The following WWP2 variants were observed in gnomAD, a reference collection of about 807,000 sequenced individuals.
The protein encoded by WWP2 is NEDD4-like E3 ubiquitin-protein ligase WWP2.
In WWP2, 57 loss-of-function variants were observed where a neutral mutation model predicts 121.0. That is an observed-to-expected ratio of 0.47 (90% confidence interval 0.38 to 0.59). The LOEUF is 0.59. Ranked by LOEUF, WWP2 falls within the 20% of genes least tolerant of loss-of-function variation. WWP2 has a pLI of 0.00. For synonymous variants in WWP2, 449 were observed against 441.3 expected, an observed-to-expected ratio of 1.02 and a Z score of -0.22; for missense variants, 962 against 1,158.9, an observed-to-expected ratio of 0.83 and a Z score of 2.47.
Position 69,909,549 on chromosome 16 carries a change from T to G in WWP2, c.1004+699T>G. The G allele has an allele frequency of 3.0e-6, 3 of 985,468 alleles. No individual in the cohort carries two copies. In the South Asian group the frequency reaches 1.4e-4, roughly 46 times the overall value. The allele number at this position is 985,468 out of a possible 1,614,324, so 61.0% of individuals were successfully genotyped here. A position where few individuals can be genotyped will look rare whatever the true frequency, so the allele number is the denominator to read the frequency against. ...TAATTCTCCATGGATGGGCTGCTTTTAGCTCCAGTTTTCCAGTAGAATGCT... is the reference window on the plus strand; with the variant it reads ...TAATTCTCCATGGATGGGCTGCTTTGAGCTCCAGTTTTCCAGTAGAATGCT... On this transcript the variant is annotated intron_variant, in intron 9 of 23. Transcript: ENST00000359154.
chr16:69,899,406 A>G (rs534863962), intron 8 of WWP2, among the ~76,000 whole-genome samples: 122 of 152,196 alleles, frequency 8.0e-4, no homozygotes, highest in Non-Finnish European at 1.4e-3. Flanking sequence ...TCTGATATGC[A>G]TGTTATTTCA....
intron 1 of WWP2, among the ~76,000 whole-genome samples, chr16:69,784,951 A>T (rs928970658): frequency 2.5e-4 from 38 of 151,432 alleles, no homozygotes; most frequent in African/African-American, 9.0e-4. Context: ...GAAAAGAAAG[A>T]GTGGTCGAGT....
In WWP2 at chr16:69,937,194, G is replaced by T. The variant is rs2058812590; in HGVS notation, c.2194G>T (p.Ala732Ser). The change falls in exon 20 of 24, where the codon GCC (alanine) becomes TCC (serine). Residue 732 changes from alanine to serine, a missense_variant. Ala to Ser is a moderately conservative substitution (Grantham distance 99). This residue lies in a region of WWP2 where 606 missense variants were observed against 772.6 expected (regional missense o/e 0.78). Coordinates refer to ENST00000359154, the MANE Select transcript of WWP2 (RefSeq NM_001270454.2). This position sits in a 1 kb window ranked among gnomAD's most constrained non-coding sequence, Gnocchi z 6.6. ...KAFLDGFNEV[A>S]PLEWLRYFDE... Reference sequence around the variant, plus strand: ...CTTCCTGGATGGCTTCAACGAGGTGGCCCCGCTGGAGTGGCTGCGCTACTT... The same window carrying T: ...CTTCCTGGATGGCTTCAACGAGGTGTCCCCGCTGGAGTGGCTGCGCTACTT... 1 of 1,613,942 alleles carries T rather than the reference G, an allele frequency of 6.2e-7. No individual in the cohort carries two copies. The highest frequency in any genetic ancestry group is 8.5e-7 in the Non-Finnish European group (1 of 1,179,994).
intron 1 of WWP2, among the ~76,000 whole-genome samples, chr16:69,775,965 G>A (rs763492399): frequency 1.5e-4 from 23 of 152,162 alleles, no homozygotes; most frequent in Non-Finnish European, 3.2e-4. Context: ...CCTTGTTTCT[G>A]TCTCCCCTGT....
chr16:69,866,800 G>GTATTTATT lies in WWP2; in HGVS notation c.576-4958_576-4951dup, dbSNP rs10525822. Among the ~76,000 whole-genome samples the GTATTTATT allele has an allele frequency of 6.4e-4, 90 of 139,668 alleles. 1 individual carries two copies. The highest frequency in any genetic ancestry group is 1.5e-3 in the East Asian group (7 of 4,780). The allele number at this position is 139,668 out of a possible 152,430, so 91.6% of individuals were successfully genotyped here. ...CTCCTGAGGTCTTGCTTTCAGTTCC[G>GTATTTATT]TATTTATTTATTTATTTATTTATTT... On this transcript the variant is annotated intron_variant, in intron 6 of 23. Coordinates refer to ENST00000359154, the MANE Select transcript of WWP2 (RefSeq NM_001270454.2).
intron 4 of WWP2, among the ~76,000 whole-genome samples, chr16:69,818,003 G>T (rs1404159782): frequency 2.0e-5 from 3 of 151,770 alleles, no homozygotes; most frequent in African/African-American, 7.3e-5. Context: ...AGTTTTTGAT[G>T]CCTGCTGCCT....
chr16:69,811,592 A>C (rs1029797293), intron 4 of WWP2, among the ~76,000 whole-genome samples: 4 of 151,868 alleles, frequency 2.6e-5, no homozygotes, highest in Admixed American at 1.3e-4. Flanking sequence ...TACAAAAATA[A>C]AAATAAAGGA....
At chr16:69,908,951 A>T (rs1720457179) in intron 9 of WWP2, 101 bp downstream of exon 9, 1 of 1,569,740 alleles carries the variant, frequency 6.4e-7, no homozygotes, top group Admixed American at 1.9e-5. Context: ...AGCATAGCAC[A>T]GTGACGTTTA....
chr16:69,871,963 T>G, intron 7 of WWP2, 32 bp downstream of exon 7: 1 of 1,600,924 alleles, frequency 6.2e-7, no homozygotes, highest in Non-Finnish European at 8.5e-7. Flanking sequence ...CAGCCTGCAC[T>G]GAAGCTGTGG....
chr16:69,825,992 C>G (rs553234718), intron 4 of WWP2, among the ~76,000 whole-genome samples: 1 of 152,100 alleles, frequency 6.6e-6, no homozygotes, highest in Admixed American at 6.6e-5. Context: ...AGCAGCCAGG[C>G]GCGGTGGCTC....
intron 1 of WWP2, chr16:69,786,125 T>C (rs1207648824): frequency 6.9e-6 from 1 of 145,628 alleles, no homozygotes; most frequent in East Asian, 2.0e-4. Context: ...GTGATGTTCT[T>C]TTTGGAGATG....
At chr16:69,936,106 C>T (rs2058793778) in intron 18 of WWP2, 120 bp downstream of exon 18, 1 of 1,482,364 alleles carries the variant, frequency 6.7e-7, no homozygotes, top group South Asian at 1.3e-5. Context: ...TTTCCAGCCT[C>T]TATAAGAGCT....
At chr16:69,841,739 A>G (rs1180434788) in intron 5 of WWP2, among the ~76,000 whole-genome samples, 2 of 152,158 alleles carry the variant, frequency 1.3e-5, no homozygotes, top group Non-Finnish European at 2.9e-5. Flanking sequence ...GATTCATTTA[A>G]TGGATAAGGC....
At chr16:69,906,788 G>A (rs914582567) in intron 8 of WWP2, among the ~76,000 whole-genome samples, 3 of 152,080 alleles carry the variant, frequency 2.0e-5, no homozygotes, top group African/African-American at 7.2e-5. Context: ...GCTGAGGCAG[G>A]GGTATCACTT....
chr16:69,892,016 T>A (rs1416589313), intron 8 of WWP2, among the ~76,000 whole-genome samples: 1 of 152,108 alleles, frequency 6.6e-6, no homozygotes, highest in Non-Finnish European at 1.5e-5. Flanking sequence ...TAAGTGACCA[T>A]CTCCTCCACC....
At chr16:69,927,339 C>G (rs1042181807) in intron 11 of WWP2, among the ~76,000 whole-genome samples, 1 of 152,110 alleles carries the variant, frequency 6.6e-6, no homozygotes, top group African/African-American at 2.4e-5. Context: ...TCTCTGCTGC[C>G]CCAGGAGAGA....
intron 8 of WWP2, among the ~76,000 whole-genome samples, chr16:69,896,613 T>C (rs1444466265): frequency 1.3e-5 from 2 of 151,900 alleles, no homozygotes; most frequent in Non-Finnish European, 2.9e-5. Context: ...TAAAAGCCCA[T>C]TGATGGAAAA....
At chr16:69,861,377 T>C (rs969001530) in intron 6 of WWP2, among the ~76,000 whole-genome samples, 2 of 152,232 alleles carry the variant, frequency 1.3e-5, no homozygotes, top group African/African-American at 4.8e-5. Flanking sequence ...TGAGTTTTTT[T>C]AGTCTAATGA....
intron 6 of WWP2, among the ~76,000 whole-genome samples, chr16:69,856,290 T>G (rs1213636566): frequency 6.6e-6 from 1 of 151,944 alleles, no homozygotes; most frequent in Non-Finnish European, 1.5e-5. Flanking sequence ...TCTGAAGATG[T>G]GGGGGCATTG....
Sources: gnomAD v4.1 joint callset for allele counts (sites outside exome capture counted in the v4.1 genomes callset) on GRCh38, gnomAD v4.1.1 for gene constraint, gnomAD v4.1.1 regional missense constraint, Gnocchi (gnomAD v3.1) non-coding constraint, MANE v1.5 for transcripts, NCBI Gene and HGNC (gene_info 2026-07-23, HGNC 2026-07-21) for gene names.